HIF1A: variants seen among roughly 807,000 people sequenced by gnomAD.
HIF1A encodes the protein hypoxia-inducible factor 1-alpha.
In HIF1A, 24 loss-of-function variants were observed where a neutral mutation model predicts 92.7. The observed-to-expected ratio is 0.26, with a 90% CI of 0.19 to 0.36. The LOEUF (loss-of-function observed/expected upper bound fraction) is 0.36. HIF1A is among the 10% of genes least tolerant of loss of function. The pLI is 1.00. For missense variants in HIF1A, 799 were observed against 998.5 expected (o/e 0.80, Z 2.69); for synonymous variants, 319 against 338.7 (o/e 0.94, Z 0.64).
intron 1 of HIF1A, among the ~76,000 whole-genome samples, chr14:61,712,789 G>A (rs988047461): frequency 1.3e-5 from 2 of 151,142 alleles, no homozygotes; most frequent in Non-Finnish European, 2.9e-5. Context: ...CAGATTTGGG[G>A]CAAATATGTC....
At chr14:61,707,717 T>C (rs573609377) in intron 1 of HIF1A, among the ~76,000 whole-genome samples, 41 of 151,076 alleles carry the variant, frequency 2.7e-4, no homozygotes, top group African/African-American at 9.2e-4. Flanking sequence ...TATTGGACAT[T>C]TGGGTTGGTT....
At chr14:61,730,643 A>G (rs995082984) in intron 6 of HIF1A, among the ~76,000 whole-genome samples, 31 of 152,122 alleles carry the variant, frequency 2.0e-4, no homozygotes, top group African/African-American at 7.5e-4. Flanking sequence ...TCATTCTACC[A>G]TTCCTTTGCA....
At chr14:61,738,870 G>A (rs1191388692) in intron 10 of HIF1A, among the ~76,000 whole-genome samples, 3 of 152,116 alleles carry the variant, frequency 2.0e-5, no homozygotes, top group African/African-American at 7.2e-5. Flanking sequence ...CCAAGTAGCT[G>A]GGACTACAGG....
intron 14 of HIF1A, 87 bp downstream of exon 14, chr14:61,745,904 GAC>G: frequency 8.2e-7 from 1 of 1,218,650 alleles, no homozygotes; most frequent in Non-Finnish European, 1.2e-6. Context: ...AAGTGAGAAT[GAC>G]TTTGGTTCCT....
In HIF1A at chr14:61,747,083, T is replaced by C. The variant is rs1389320297; in HGVS notation, c.2479T>C (p.Ter827ArgextTer4). The change falls in exon 15 of 15, where the codon TGA becomes CGA. Residue 827 changes from the stop codon to arginine (R), a stop_lost. Transcript: ENST00000337138. ...ELLRALDQVN* is the reference protein window; with the variant it reads ...ELLRALDQVNR ...ACTCAGAGCTTTGGATCAAGTTAAC[T>C]GAGCTTTTTCTTAATTTCATTCCTT... The C allele has an allele frequency of 6.2e-7, 1 of 1,602,090 alleles. No individual in the cohort carries two copies. Among genetic ancestry groups the C allele is most frequent in the Non-Finnish European group, 8.5e-7 (1 of 1,176,896 alleles).
In HIF1A at chr14:61,720,521, G is replaced by A. The variant is rs1215299190; in HGVS notation, c.175G>A (p.Val59Met). ...GAGTTCGCATCTTGATAAGGCCTCT[G>A]TGATGAGGCTTACCATCAGCTATTT... Reference protein sequence around the residue: ...NVSSHLDKASVMRLTISYLRV... With the variant: ...NVSSHLDKASMMRLTISYLRV... The change falls in exon 2 of 15, where the codon GTG (valine) becomes ATG (methionine). Residue 59 changes from valine (V) to methionine (M), a missense_variant. Val to Met is a conservative substitution (Grantham distance 21, BLOSUM62 1). Around this residue, in one of 2 missense-constraint regions of HIF1A, gnomAD observed 516 missense variants for 721.0 expected, o/e 0.72. Transcript: ENST00000337138. The A allele has an allele frequency of 6.2e-7, 1 of 1,612,566 alleles. No homozygotes were observed. The highest frequency in any genetic ancestry group is 8.5e-7 in the Non-Finnish European group (1 of 1,179,250).
rs187210777 is a variant in HIF1A at position 61,714,114 on chromosome 14, T to C, written c.36-6268T>C. On this transcript the variant is annotated intron_variant, in intron 1 of 14. Transcript: ENST00000337138. ...AATCAAAGTAGATTAACTGAGCACA[T>C]TGTGAAATATAGAGTAGAGCTGTGT... Among the ~76,000 whole-genome samples the C allele has an allele frequency of 1.5e-3, 227 of 152,266 alleles. 2 individuals carry two copies. The highest frequency in any genetic ancestry group is 5.2e-3 in the African/African-American group (217 of 41,548).
chr14:61,720,040 T>A (rs1007224747), intron 1 of HIF1A, among the ~76,000 whole-genome samples: 2 of 152,330 alleles, frequency 1.3e-5, no homozygotes, highest in Non-Finnish European at 2.9e-5. Flanking sequence ...TTGAATTCTA[T>A]GAAGTACAGC....
chr14:61,734,017 A>T (rs980364615), intron 7 of HIF1A, 121 bp from the exon 8 acceptor site: 21 of 649,700 alleles, frequency 3.2e-5, no homozygotes, highest in Non-Finnish European at 4.7e-5. Flanking sequence ...GTTACAACTG[A>T]TTCCACTAAA....
chr14:61,695,726 G>T lies in HIF1A; in HGVS notation c.-79G>T. The T allele has an allele frequency of 1.4e-6, 2 of 1,470,092 alleles. No homozygotes were observed. The highest frequency in any genetic ancestry group is 1.2e-5 in the South Asian group (1 of 82,328). 91.1% of individuals were successfully genotyped at this position (1,470,092 alleles called of 1,614,324 possible). ...ACTTGCCTTTCCTTCTCTTCTCCGC[G>T]TGTGGAGGGAGCCAGCGCTTAGGCC... On this transcript the variant is annotated 5_prime_UTR_variant, in exon 1 of 15. Coordinates refer to ENST00000337138, the MANE Select transcript of HIF1A (RefSeq NM_001530.4).
At chr14:61,733,127 C>A (rs2044596216) in intron 7 of HIF1A, among the ~76,000 whole-genome samples, 1 of 151,972 alleles carries the variant, frequency 6.6e-6, no homozygotes, top group African/African-American at 2.4e-5. Context: ...TCACTCTCGC[C>A]CAGGCTGGAG....
chr14:61,705,282 G>A (rs1212378268), intron 1 of HIF1A, among the ~76,000 whole-genome samples: 1 of 152,114 alleles, frequency 6.6e-6, no homozygotes, highest in Non-Finnish European at 1.5e-5. Context: ...CAGAAGGCTT[G>A]AGGCAAGTAT....
chr14:61,739,838 T>C (rs1300798849), intron 10 of HIF1A, among the ~76,000 whole-genome samples: 1 of 152,160 alleles, frequency 6.6e-6, no homozygotes, highest in African/African-American at 2.4e-5. Context: ...CACAGGAGTG[T>C]GCCTTCTCAG....
intron 1 of HIF1A, among the ~76,000 whole-genome samples, chr14:61,717,573 T>G (rs769846500): frequency 5.9e-5 from 9 of 152,224 alleles, no homozygotes; most frequent in Non-Finnish European, 7.4e-5. Flanking sequence ...CTTTTAAATA[T>G]ACTGTCCTTT....
chr14:61,721,933 T>C (rs2044435669), intron 4 of HIF1A, 110 bp downstream of exon 4: 3 of 692,116 alleles, frequency 4.3e-6, no homozygotes, highest in Admixed American at 2.7e-5. Flanking sequence ...AAAATGTTAT[T>C]TCATGTTTAA....
At chr14:61,718,281 GA>G in intron 1 of HIF1A, among the ~76,000 whole-genome samples, 1 of 152,190 alleles carries the variant, frequency 6.6e-6, no homozygotes, top group Non-Finnish European at 1.5e-5. Context: ...AGAACGCCTG[GA>G]ATGATTGTGG....
chr14:61,734,486 G>A (rs374980653), intron 8 of HIF1A, among the ~76,000 whole-genome samples: 18 of 152,208 alleles, frequency 1.2e-4, no homozygotes, highest in African/African-American at 4.3e-4. Context: ...AACACTGTCA[G>A]TAGTTGTCTA....
chr14:61,706,825 T>C (rs1292633447), intron 1 of HIF1A, among the ~76,000 whole-genome samples: 4 of 152,218 alleles, frequency 2.6e-5, no homozygotes, highest in African/African-American at 4.8e-5. Flanking sequence ...TATGTTGATA[T>C]TATTTTTTAA....
Position 61,734,299 on chromosome 14 carries a change from A to G in HIF1A, c.1028+14A>G. Reference sequence around the variant, plus strand: ...TTACGTTGTGAGGTAAGTAAGTTTGAGAAATAAACATTTTTGGGGAACAAA... The same window carrying G: ...TTACGTTGTGAGGTAAGTAAGTTTGGGAAATAAACATTTTTGGGGAACAAA... On this transcript the variant is annotated intron_variant, in intron 8 of 14. Transcript: ENST00000337138. 1 of 1,587,790 alleles carries G rather than the reference A, an allele frequency of 6.3e-7. No individual in the cohort carries two copies. Among genetic ancestry groups the G allele is most frequent in the Non-Finnish European group, 8.6e-7 (1 of 1,162,718 alleles).
Sources: allele counts gnomAD v4.1 joint callset (sites outside exome capture counted in the v4.1 genomes callset), GRCh38; gene constraint gnomAD v4.1.1; regional missense constraint gnomAD v4.1.1; transcripts MANE v1.5; gene names NCBI Gene and HGNC (gene_info 2026-07-23, HGNC 2026-07-21).